LZTR1: variants seen among roughly 807,000 people sequenced by gnomAD.
LZTR1 encodes leucine-zipper-like transcriptional regulator 1.
Under a neutral mutation model 105.7 loss-of-function variants are expected in LZTR1, and 260 were observed. The ratio of observed to expected loss-of-function variants is 2.46; its 90% CI spans 2.22 to 2.72. The LOEUF (loss-of-function observed/expected upper bound fraction) is 2.72, where lower values mean the gene tolerates loss of function less well. Ranked by LOEUF, LZTR1 falls within the 30% of genes most tolerant of loss-of-function variation. The probability of loss-of-function intolerance (pLI) is 0.00; values close to 1 mark genes in which losing one functional copy is unlikely to be tolerated. For synonymous variants in LZTR1, 490 were observed against 476.4 expected (o/e 1.03, Z -0.37); for missense variants, 1,214 against 1,166.9 (o/e 1.04, Z -0.59).
At chr22:20,987,281 C>CTAG (rs769808715) in intron 3 of LZTR1, 290 of 477,126 alleles carry the variant, frequency 6.1e-4, no homozygotes, top group Middle Eastern at 1.0e-3. Context: ...GTAATCCCAG[C>CTAG]TACTCAGGAG....
chr22:20,982,916 C>A, intron 1 of LZTR1, 111 bp from the exon 2 acceptor site: 2 of 818,910 alleles, frequency 2.4e-6, no homozygotes, highest in Non-Finnish European at 4.2e-6. Flanking sequence ...TGGATCTTAG[C>A]AGTTGAGAGG....
At chr22:20,984,714 C>T (rs1283197439) in intron 2 of LZTR1, among the ~76,000 whole-genome samples, 1 of 151,912 alleles carries the variant, frequency 6.6e-6, no homozygotes, top group Non-Finnish European at 1.5e-5. Context: ...GCTTTGTTGC[C>T]ATCTGTGAAA....
In LZTR1 at chr22:20,990,380, C is replaced by G; in HGVS notation, c.652-6C>G. On this transcript the variant is annotated splice_region_variant and splice_polypyrimidine_tract_variant and intron_variant, in intron 7 of 20. Coordinates refer to ENST00000646124, the MANE Select transcript of LZTR1 (RefSeq NM_006767.4). ...GCCGGGGCTGAGCTGTCCTCTCCCC[C>G]TGCAGGTGGCCCAGAGTGGCGAGAT... 6.2e-7 allele frequency: 1 copy of G among 1,614,110 alleles called. No homozygotes were observed. The highest frequency in any genetic ancestry group is 8.5e-7 in the Non-Finnish European group (1 of 1,180,036).
At chr22:20,993,797 G>C (rs1278955312) in intron 12 of LZTR1, 43 bp downstream of exon 12, 15 of 1,585,778 alleles carry the variant, frequency 9.5e-6, no homozygotes, top group Non-Finnish European at 1.3e-5. Flanking sequence ...GCTGTGCCTG[G>C]GCAGTGGGAA....
chr22:20,982,450 A>G lies in LZTR1; in HGVS notation c.79A>G (p.Ser27Gly). The G allele has an allele frequency of 6.3e-7, 1 of 1,597,764 alleles. No individual in the cohort carries two copies. Among genetic ancestry groups the G allele is most frequent in the Non-Finnish European group, 8.5e-7 (1 of 1,172,128 alleles). ...CGGCGCGCGGTCCAAGGTAGCCCCG[A>G]GCGTGGACTTCGACCATAGCTGCTC... ...AGGARSKVAPSVDFDHSCSDS... is the reference protein window; with the variant it reads ...AGGARSKVAPGVDFDHSCSDS... The change falls in exon 1 of 21, where the codon AGC becomes GGC. Residue 27 changes from serine (S) to glycine (G), a missense_variant. Physicochemically the swap from Ser to Gly is moderately conservative, Grantham distance 56. Coordinates refer to ENST00000646124, the MANE Select transcript of LZTR1 (RefSeq NM_006767.4).
At position 20,995,020 on chromosome 22, in the gene LZTR1, G is replaced by A; in HGVS notation, c.1936G>A (p.Asp646Asn). Residue 646 changes from aspartate (D) to asparagine (N), a missense_variant, in exon 16 of 21, where the codon GAC (aspartate) becomes AAC (asparagine). Physicochemically the swap from Asp to Asn is conservative, Grantham distance 23. Transcript: ENST00000646124. ...TCGCACTCCCTTGGACCAGCCAGTG[G>A]ACATTGGTAGGGAGCCCCGTTCCCC... ...PPRTPLDQPV[D>N]IGTSLIQDMK... is the part of the protein sequence containing the mutation. The A allele has an allele frequency of 6.2e-7, 1 of 1,608,128 alleles. No homozygotes were observed. The highest frequency in any genetic ancestry group is 1.3e-5 in the African/African-American group (1 of 74,964).
At chr22:20,984,927 C>T (rs1261534019) in intron 2 of LZTR1, among the ~76,000 whole-genome samples, 1 of 152,068 alleles carries the variant, frequency 6.6e-6, no homozygotes, top group Admixed American at 6.5e-5. Context: ...GCTTTTGCAA[C>T]AAAGAAATGG....
rs1298763231 is a variant in LZTR1 at position 20,994,119 on chromosome 22, G to T, written c.1465G>T (p.Ala489Ser). 2 of 1,581,398 alleles carry T rather than the reference G, an allele frequency of 1.3e-6. No individual in the cohort carries two copies. Among genetic ancestry groups the T allele is most frequent in the South Asian group, 1.1e-5 (1 of 88,218 alleles). The part of the protein sequence containing the change: ...ERLAQKLEQE[A>S]APVPREAPGV... The stretch of plus-strand genomic sequence containing the variant: ...CTCCCCACAGAAGCTGGAGCAGGAG[G>T]CCGCCCCAGTTCCCAGGGAGGCCCC... Residue 489 changes from alanine to serine, a missense_variant, in exon 14 of 21, where the codon GCC becomes TCC. Ala to Ser is a moderately conservative substitution (Grantham distance 99). Transcript: ENST00000646124.
chr22:20,992,653 A>G, intron 10 of LZTR1, 141 bp from the exon 11 acceptor site: 1 of 648,080 alleles, frequency 1.5e-6, no homozygotes, highest in South Asian at 1.9e-5. Context: ...GTCTGTACCC[A>G]GGGGCCCTCA....
At chr22:20,994,353 C>G in intron 14 of LZTR1, 84 bp downstream of exon 14, 1 of 1,465,924 alleles carries the variant, frequency 6.8e-7, no homozygotes, top group Non-Finnish European at 9.2e-7. Flanking sequence ...GCCAGCCCTG[C>G]CTTACTGATG....
At chr22:20,994,056 C>T (rs1924711245) in intron 13 of LZTR1, 37 bp downstream of exon 13, 2 of 1,588,400 alleles carry the variant, frequency 1.3e-6, no homozygotes, top group African/African-American at 2.7e-5. Context: ...ACCTGGCAGC[C>T]ATGCCTGGTG....
At position 20,994,761 on chromosome 22, in the gene LZTR1, T is replaced by C. The variant is rs369157108; in HGVS notation, c.1785+34T>C. The C allele has an allele frequency of 8.7e-6, 14 of 1,607,866 alleles. No homozygotes were observed. In the South Asian group the frequency reaches 1.5e-4, roughly 18 times the overall value. On this transcript the variant is annotated intron_variant, in intron 15 of 20. Transcript: ENST00000646124. ...TGGGGTCAGCGCAATCAGGGTTGGG[T>C]GGGGTGTGCTCAGGCTTAGGCCCCC...
Position 20,994,912 on chromosome 22 carries a change from CA to C in LZTR1, c.1829del (p.Gln610ArgfsTer2), listed in dbSNP as rs781349943. 6.2e-7 allele frequency: 1 copy of C among 1,613,434 alleles called. No homozygotes were observed. Among genetic ancestry groups the C allele is most frequent in the Non-Finnish European group, 8.5e-7 (1 of 1,180,022 alleles). On this transcript the variant is annotated frameshift_variant, in exon 16 of 21. Transcript: ENST00000646124. LOFTEE classifies it high-confidence loss of function. Reference sequence around the variant, plus strand: ...CGTGGTAAAGGAGTCCCACTTCAACCAGGTGATCATGATGAAGGAGTTCGAG... The same window carrying C: ...CGTGGTAAAGGAGTCCCACTTCAACCGGTGATCATGATGAAGGAGTTCGAG... ...NFVVKESHFN[Q>X]VIMMKEFERL...
At chr22:20,986,267 A>C (rs2147960101) in intron 3 of LZTR1, 1 of 184,340 alleles carries the variant, frequency 5.4e-6, no homozygotes, top group East Asian at 1.4e-4. Context: ...TGAAGGCTTC[A>C]CAATTATTTG....
chr22:20,988,486 A>G (rs1924481319), intron 5 of LZTR1, among the ~76,000 whole-genome samples: 1 of 152,212 alleles, frequency 6.6e-6, no homozygotes. Flanking sequence ...ATGTTCAATA[A>G]GATCCAATGT....
In LZTR1 at chr22:20,991,346, C is replaced by T. The variant is rs372390504; in HGVS notation, c.792-282C>T. 1.2e-5 allele frequency: 6 copies of T among 492,722 alleles called. No homozygotes were observed. The East Asian group carries it at 1.7e-4, about 14-fold the overall frequency. The allele number at this position is 492,722 out of a possible 1,614,324, so 30.5% of individuals were successfully genotyped here. A position where few individuals can be genotyped will look rare whatever the true frequency, so the allele number is the denominator to read the frequency against. On this transcript the variant is annotated intron_variant, in intron 8 of 20. Transcript: ENST00000646124. ...AGAGAGCAGGACTGCCTGGGCGGGT[C>T]AGATGCCACCCTCCTGCCCATCACT... is the stretch of plus-strand genomic sequence containing the variant.
At chr22:20,995,401 G>C (rs774178298) in intron 16 of LZTR1, 1 of 614,176 alleles carries the variant, frequency 1.6e-6, no homozygotes, top group Non-Finnish European at 3.1e-6. Flanking sequence ...CCTGGGGCTT[G>C]TGCTGACCCC....
intron 11 of LZTR1, chr22:20,993,363 G>C: frequency 1.9e-6 from 1 of 529,376 alleles, no homozygotes; most frequent in Non-Finnish European, 3.4e-6. Flanking sequence ...CGCAGGTCCA[G>C]GCAGAGTGGA....
At chr22:20,990,611 T>C in intron 8 of LZTR1, 86 bp downstream of exon 8, 1 of 1,416,528 alleles carries the variant, frequency 7.1e-7, no homozygotes. Context: ...TTGCACCTGG[T>C]GGCCATGGTA....
Sources: allele counts gnomAD v4.1 joint callset (sites outside exome capture counted in the v4.1 genomes callset), GRCh38; gene constraint gnomAD v4.1.1; transcripts MANE v1.5; gene names NCBI Gene and HGNC (gene_info 2026-07-23, HGNC 2026-07-21).